Variants in RMDN2 observed in about 807,000 individuals in gnomAD.
RMDN2 encodes the protein regulator of microtubule dynamics 2, also known as regulator of microtubule dynamics protein 2.
In RMDN2, 61 loss-of-function variants were observed where a neutral mutation model predicts 52.8. The ratio of observed to expected loss-of-function variants is 1.16; its 90% CI spans 0.94 to 1.43. RMDN2 has a LOEUF of 1.43. RMDN2 is among the 40% of genes most tolerant of loss of function. The pLI is 0.00. For synonymous variants in RMDN2, 180 were observed against 153.1 expected (o/e 1.18, Z -1.30); for missense variants, 592 against 475.3 (o/e 1.25, Z -2.28).
chr2:37,996,069 G>A (rs1675493116), intron 7 of RMDN2, among the ~76,000 whole-genome samples: 1 of 152,060 alleles, frequency 6.6e-6, no homozygotes, highest in African/African-American at 2.4e-5. Flanking sequence ...TCACAAATGT[G>A]CTCCACTGTT....
chr2:37,985,175 A>G (rs367682494), intron 5 of RMDN2, among the ~76,000 whole-genome samples: 3 of 152,154 alleles, frequency 2.0e-5, no homozygotes, highest in African/African-American at 7.2e-5. Flanking sequence ...AGAGAGCAAA[A>G]TAAAAGCCTA....
intron 2 of RMDN2, among the ~76,000 whole-genome samples, chr2:37,963,997 C>A (rs1254523174): frequency 4.7e-5 from 7 of 149,316 alleles, no homozygotes; most frequent in African/African-American, 1.7e-4. Context: ...GGCTGCCCCC[C>A]ACCTCCCTCC....
At chr2:37,976,986 G>A (rs1672555593) in intron 4 of RMDN2, among the ~76,000 whole-genome samples, 1 of 152,032 alleles carries the variant, frequency 6.6e-6, no homozygotes, top group Admixed American at 6.6e-5. Flanking sequence ...TAGGCAGAGG[G>A]CCCTGCCGCC....
chr2:38,026,524 C>A (rs1443789674), intron 10 of RMDN2, among the ~76,000 whole-genome samples: 1 of 151,810 alleles, frequency 6.6e-6, no homozygotes, highest in Non-Finnish European at 1.5e-5. Flanking sequence ...CTTCTCTTTA[C>A]TTTGGGTTTT....
intron 2 of RMDN2, among the ~76,000 whole-genome samples, chr2:37,932,935 C>G (rs1236092420): frequency 1.3e-5 from 2 of 151,162 alleles, no homozygotes; most frequent in Admixed American, 1.3e-4. Context: ...ACCTCCCTCC[C>G]GGACGAGGTG....
intron 10 of RMDN2, among the ~76,000 whole-genome samples, chr2:38,033,542 T>C (rs1434109594): frequency 2.0e-5 from 3 of 152,224 alleles, no homozygotes; most frequent in African/African-American, 4.8e-5. Context: ...ACCATCTATG[T>C]TTCTTACATT....
chr2:37,963,321 T>TC (rs987170942), intron 2 of RMDN2: 20 of 139,804 alleles, frequency 1.4e-4, no homozygotes, highest in East Asian at 4.2e-4. Context: ...GAGTTTCTTT[T>TC]TTTTTTTTTT....
chr2:37,939,857 G>C (rs1371551780), intron 2 of RMDN2, among the ~76,000 whole-genome samples: 2 of 151,012 alleles, frequency 1.3e-5, no homozygotes, highest in African/African-American at 4.9e-5. Flanking sequence ...CCAGTCTTTT[G>C]ATTGGGGCAT....
chr2:38,014,328 C>G (rs1191534387), intron 10 of RMDN2, among the ~76,000 whole-genome samples: 2 of 152,176 alleles, frequency 1.3e-5, no homozygotes, highest in African/African-American at 4.8e-5. Flanking sequence ...GCTATTTCTA[C>G]TCTTTTGACT....
chr2:38,066,311 C>T (rs1449573802), intron 10 of RMDN2, among the ~76,000 whole-genome samples: 1 of 152,196 alleles, frequency 6.6e-6, no homozygotes, highest in Non-Finnish European at 1.5e-5. Context: ...GCCTGTATGT[C>T]GCTTAGCAGA....
intron 2 of RMDN2, among the ~76,000 whole-genome samples, chr2:37,970,430 CTTGA>C (rs1421039738): frequency 5.3e-5 from 8 of 151,962 alleles, no homozygotes; most frequent in Non-Finnish European, 7.4e-5. Flanking sequence ...GTTGCAATAG[CTTGA>C]TTGATATTTT....
At chr2:38,022,238 C>A (rs555592806), downstream of RMDN2, among the ~76,000 whole-genome samples, 2 of 152,250 alleles carry the variant, frequency 1.3e-5, no homozygotes, top group African/African-American at 4.8e-5. Context: ...TTAAATACAC[C>A]TATTTTCTAA....
chr2:38,047,299 C>T (rs551281931), intron 10 of RMDN2, among the ~76,000 whole-genome samples: 165 of 152,118 alleles, frequency 1.1e-3, no homozygotes, highest in African/African-American at 3.5e-3. Context: ...TAAATATGTT[C>T]GTATAAAGAT....
chr2:38,052,719 C>G (rs183931123), intron 10 of RMDN2, among the ~76,000 whole-genome samples: 1 of 152,308 alleles, frequency 6.6e-6, no homozygotes, highest in East Asian at 1.9e-4. Context: ...TGTCTTTTTA[C>G]TGCCATCACC....
At chr2:38,065,623 C>T (rs892904013) in intron 10 of RMDN2, among the ~76,000 whole-genome samples, 4 of 152,186 alleles carry the variant, frequency 2.6e-5, no homozygotes, top group South Asian at 2.1e-4. Context: ...CCAGTGCTCA[C>T]GGGCTCTGAG....
chr2:38,048,658 C>G (rs575895427), intron 10 of RMDN2, among the ~76,000 whole-genome samples: 69 of 152,312 alleles, frequency 4.5e-4, no homozygotes, highest in African/African-American at 1.6e-3. Flanking sequence ...AAAATGACCT[C>G]CGACAAACAA....
At chr2:37,945,376 A>G (rs978835958) in intron 2 of RMDN2, among the ~76,000 whole-genome samples, 4 of 152,184 alleles carry the variant, frequency 2.6e-5, no homozygotes, top group Admixed American at 2.0e-4. Context: ...TAGAGCTTAC[A>G]TGCTATTGGT....
intron 10 of RMDN2, among the ~76,000 whole-genome samples, chr2:38,011,961 A>G (rs1489205750): frequency 6.6e-6 from 1 of 152,164 alleles, no homozygotes; most frequent in Non-Finnish European, 1.5e-5. Flanking sequence ...AGCCCAAGCA[A>G]CAGATTAAAT....
At chr2:38,052,959 C>T (rs1681687411) in intron 10 of RMDN2, among the ~76,000 whole-genome samples, 1 of 152,228 alleles carries the variant, frequency 6.6e-6, no homozygotes, top group Non-Finnish European at 1.5e-5. Flanking sequence ...AATGGATCCT[C>T]AGTCACTAAT....
Sources: gnomAD v4.1 joint callset for allele counts (sites outside exome capture counted in the v4.1 genomes callset) on GRCh38, gnomAD v4.1.1 for gene constraint, MANE v1.5 for transcripts, NCBI Gene and HGNC (gene_info 2026-07-23, HGNC 2026-07-21) for gene names.